Variants in PITPNM2 observed in about 807,000 individuals in gnomAD.
PITPNM2 encodes phosphatidylinositol transfer protein membrane associated 2, also known as membrane-associated phosphatidylinositol transfer protein 2.
Under a neutral mutation model 132.2 loss-of-function variants are expected in PITPNM2, and 35 were observed. The observed-to-expected ratio is 0.26, with a 90% CI of 0.20 to 0.35. The LOEUF (loss-of-function observed/expected upper bound fraction) is 0.35, where lower values mean the gene tolerates loss of function less well. Ranked by LOEUF, PITPNM2 falls within the 10% of genes least tolerant of loss-of-function variation. PITPNM2 has a pLI of 1.00. For synonymous variants in PITPNM2, 738 were observed against 799.2 expected (o/e 0.92, Z 1.29); for missense variants, 1,332 against 1,912.0 (o/e 0.70, Z 5.66).
intron 2 of PITPNM2, among the ~76,000 whole-genome samples, chr12:123,107,245 G>A (rs1396705847): frequency 5.9e-5 from 9 of 152,194 alleles, no homozygotes; most frequent in Admixed American, 5.9e-4. Context: ...CACTGCCTGG[G>A]CCCAGGACCC....
In PITPNM2 at chr12:122,994,370, G is replaced by C. The variant is rs1000299840; in HGVS notation, c.2233+431C>G. On this transcript the variant is annotated intron_variant, in intron 15 of 25. Coordinates refer to ENST00000320201, the MANE Select transcript of PITPNM2 (RefSeq NM_020845.3). This position sits in a 1 kb window ranked among gnomAD's most constrained non-coding sequence, Gnocchi z 5.4. ...CCCAGCCGCTGGCCTGCCTGCCCTGGGTAGACAGAGACGCACAGCTGTGGC... is the reference window on the plus strand; with the variant it reads ...CCCAGCCGCTGGCCTGCCTGCCCTGCGTAGACAGAGACGCACAGCTGTGGC... Among the ~76,000 whole-genome samples, 15 of 152,208 alleles carry C rather than the reference G, an allele frequency of 9.9e-5. No individual in the cohort carries two copies. Among genetic ancestry groups the C allele is most frequent in the African/African-American group, 1.9e-4 (8 of 41,444 alleles).
intron 2 of PITPNM2, chr12:123,081,016 ATTGAAC>A (rs2041946846): frequency 6.6e-6 from 1 of 152,234 alleles, no homozygotes; most frequent in African/African-American, 2.4e-5. Context: ...TTAATTTATA[ATTGAAC>A]TTAAATAGTC....
intron 1 of PITPNM2, among the ~76,000 whole-genome samples, chr12:123,149,014 G>A (rs932975423): frequency 6.6e-6 from 1 of 152,178 alleles, no homozygotes; most frequent in Non-Finnish European, 1.5e-5. Context: ...AATGGTAGGA[G>A]AGGAGGCAGA....
At chr12:123,138,416 A>G (rs938033803) in intron 1 of PITPNM2, among the ~76,000 whole-genome samples, 6 of 152,190 alleles carry the variant, frequency 3.9e-5, no homozygotes, top group African/African-American at 1.4e-4. Context: ...TCACTGCACA[A>G]GCAACAGAGA....
chr12:123,006,845 G>A (rs987397563), intron 6 of PITPNM2, among the ~76,000 whole-genome samples: 1 of 152,082 alleles, frequency 6.6e-6, no homozygotes, highest in African/African-American at 2.4e-5. Flanking sequence ...ACCTTCTGGG[G>A]TGATGAATGC....
chr12:123,066,411 C>T lies in PITPNM2; in HGVS notation c.-95-31726G>A, dbSNP rs148686212. 1.9e-3 allele frequency among the ~76,000 whole-genome samples: 288 copies of T among 152,324 alleles called. 1 individual carries two copies. The highest frequency in any genetic ancestry group is 6.5e-3 in the African/African-American group (269 of 41,570). On this transcript the variant is annotated intron_variant, in intron 2 of 25. Transcript: ENST00000320201. The stretch of plus-strand genomic sequence containing the variant: ...GTGGGTACTCCCCACAACCCACAAA[C>T]TCATGAGCCAGCCAGGAGCAAGAGC...
At chr12:123,037,225 G>T (rs1362058942) in intron 2 of PITPNM2, among the ~76,000 whole-genome samples, 2 of 152,258 alleles carry the variant, frequency 1.3e-5, no homozygotes, top group African/African-American at 4.8e-5. Context: ...CTTCCAGCTG[G>T]CTGGGAGGGT....
intron 1 of PITPNM2, among the ~76,000 whole-genome samples, chr12:123,139,006 T>G (rs1429890658): frequency 6.6e-6 from 1 of 152,024 alleles, no homozygotes; most frequent in Non-Finnish European, 1.5e-5. Context: ...GGCACTGTGA[T>G]GCACGCCTGT....
At chr12:122,988,157 C>A in intron 20 of PITPNM2, 77 bp downstream of exon 20, 1 of 1,300,488 alleles carries the variant, frequency 7.7e-7, no homozygotes, top group Non-Finnish European at 1.1e-6. Context: ...TTCCCTGCAA[C>A]TCAGTTTCCT....
intron 2 of PITPNM2, among the ~76,000 whole-genome samples, chr12:123,109,691 C>T (rs2042796085): frequency 6.6e-6 from 1 of 152,222 alleles, no homozygotes; most frequent in South Asian, 2.1e-4. Context: ...TAACTCCTGC[C>T]TGTCCTCTTC....
intron 18 of PITPNM2, among the ~76,000 whole-genome samples, chr12:122,989,427 C>T (rs908806190): frequency 1.6e-4 from 25 of 152,118 alleles, no homozygotes; most frequent in African/African-American, 6.0e-4. Context: ...AGGGGCTGGG[C>T]GAGGACAACC....
intron 2 of PITPNM2, among the ~76,000 whole-genome samples, chr12:123,063,756 A>T (rs73411084): frequency 0.036 from 5,428 of 152,260 alleles, 315 homozygotes; most frequent in African/African-American, 0.12. Context: ...GGCAGAACTC[A>T]GGCTTTGACA....
intron 3 of PITPNM2, among the ~76,000 whole-genome samples, chr12:123,018,165 G>A (rs2039517245): frequency 6.6e-6 from 1 of 151,546 alleles, no homozygotes; most frequent in Non-Finnish European, 1.5e-5. Context: ...TAACTCTTGG[G>A]CTCTAGTGAT....
rs1227342337 is a variant in PITPNM2 at position 123,005,669 on chromosome 12, A to G, written c.644-121T>C. On this transcript the variant is annotated intron_variant, in intron 6 of 25. Coordinates refer to ENST00000320201, the MANE Select transcript of PITPNM2 (RefSeq NM_020845.3). The surrounding 1 kb of genome is among the most constrained non-coding windows in gnomAD (Gnocchi z 6.2). ...AGGCTGTACCCATGTTGCAGGTCAA[A>G]CTAAAGTCACTGCCTGTCTGTGCCT... The G allele has an allele frequency of 8.9e-6, 8 of 902,598 alleles. No homozygotes were observed. Among genetic ancestry groups the G allele is most frequent in the Non-Finnish European group, 1.4e-5 (8 of 592,124 alleles). The allele number at this position is 902,598 out of a possible 1,614,324, so 55.9% of individuals were successfully genotyped here. A position where few individuals can be genotyped will look rare whatever the true frequency, so the allele number is the denominator to read the frequency against.
chr12:123,047,721 G>C lies in PITPNM2; in HGVS notation c.-95-13036C>G, dbSNP rs997102016. ...CTCAGGGAGCCTCCAGGCTCCAGGG[G>C]AGACAGGCATCACATGAGTTATCAA... On this transcript the variant is annotated intron_variant, in intron 2 of 25. Transcript: ENST00000320201. Among the ~76,000 whole-genome samples the C allele has an allele frequency of 4.6e-5, 7 of 152,208 alleles. No individual in the cohort carries two copies. In the South Asian group the frequency reaches 1.2e-3, roughly 27 times the overall value.
At chr12:123,032,928 C>T (rs1250487983) in intron 3 of PITPNM2, among the ~76,000 whole-genome samples, 1 of 152,216 alleles carries the variant, frequency 6.6e-6, no homozygotes, top group Non-Finnish European at 1.5e-5. Flanking sequence ...AAGGCTCCCA[C>T]ATAGGGGAGC....
rs1019488881 is a variant in PITPNM2 at position 122,996,367 on chromosome 12, G to C, written c.1782+91C>G. 5.2e-6 allele frequency: 8 copies of C among 1,535,446 alleles called. No individual in the cohort carries two copies. The African/African-American group carries it at 8.2e-5, about 16-fold the overall frequency. On this transcript the variant is annotated intron_variant, in intron 13 of 25. Transcript: ENST00000320201. Reference sequence around the variant, plus strand: ...CATTCTGCTTGGTGGACACAGCCTGGGGCCAGGTGCAGGAACAGGCAGGGC... The same window carrying C: ...CATTCTGCTTGGTGGACACAGCCTGCGGCCAGGTGCAGGAACAGGCAGGGC...
intron 2 of PITPNM2, among the ~76,000 whole-genome samples, chr12:123,040,802 T>A (rs935815174): frequency 6.6e-6 from 1 of 152,230 alleles, no homozygotes; most frequent in Non-Finnish European, 1.5e-5. Context: ...TTAAAAAAGA[T>A]TAAATTTAAT....
At chr12:123,100,848 C>T (rs895381047) in intron 2 of PITPNM2, among the ~76,000 whole-genome samples, 7 of 152,210 alleles carry the variant, frequency 4.6e-5, no homozygotes, top group African/African-American at 9.7e-5. Flanking sequence ...CAGTATCTAA[C>T]GCCACCCCTT....
Sources: gnomAD v4.1 joint callset for allele counts (sites outside exome capture counted in the v4.1 genomes callset) on GRCh38, gnomAD v4.1.1 for gene constraint, Gnocchi (gnomAD v3.1) non-coding constraint, MANE v1.5 for transcripts, NCBI Gene and HGNC (gene_info 2026-07-23, HGNC 2026-07-21) for gene names.